PRSS23: variants seen among roughly 807,000 people sequenced by gnomAD.
The protein encoded by PRSS23 is protease, serine 23.
PRSS23 carries 25 observed loss-of-function variants against 34.7 expected under a neutral mutation model. The observed-to-expected ratio is 0.72, with a 90% confidence interval of 0.53 to 1.01. PRSS23 has a LOEUF of 1.01. Among genes scored for constraint, PRSS23 ranks in the 50% least tolerant of loss-of-function variants. The pLI is 0.00. For missense variants in PRSS23, 445 were observed against 475.6 expected (o/e 0.94, Z 0.60); for synonymous variants, 176 against 186.6 (o/e 0.94, Z 0.46).
Position 86,951,921 on chromosome 11 carries a change from T to C in PRSS23, c.*636T>C, listed in dbSNP as rs61754567. ...GCCTCTTCAAAATCACAGGATATCC[T>C]TTCCCGGCCTACAGTCAGCCTGACA... On this transcript the variant is annotated 3_prime_UTR_variant, in exon 3 of 3. Coordinates refer to the PRSS23 transcript ENST00000533902. 10 of 1,613,844 alleles carry C rather than the reference T, an allele frequency of 6.2e-6. No individual in the cohort carries two copies. The highest frequency in any genetic ancestry group is 7.6e-6 in the Non-Finnish European group (9 of 1,179,856).
intron 2 of PRSS23, among the ~76,000 whole-genome samples, chr11:86,842,010 G>A (rs1488277718): frequency 3.9e-5 from 6 of 152,152 alleles, no homozygotes; most frequent in Non-Finnish European, 5.9e-5. Context: ...TATTTCTAAC[G>A]AACATCAATG....
chr11:86,799,166 G>A (rs73520709), upstream of PRSS23, among the ~76,000 whole-genome samples: 3,019 of 152,256 alleles, frequency 0.02, 105 homozygotes, highest in African/African-American at 0.069. Context: ...GGATACTTGA[G>A]CCCAGGAGGT....
chr11:86,923,266 A>G (rs951622979), intron 2 of PRSS23, among the ~76,000 whole-genome samples: 1 of 151,894 alleles, frequency 6.6e-6, no homozygotes, highest in African/African-American at 2.4e-5. Flanking sequence ...TGGAACTACA[A>G]GCACACATTA....
chr11:86,818,718 G>C (rs1948232441), intron 1 of PRSS23, among the ~76,000 whole-genome samples: 1 of 152,122 alleles, frequency 6.6e-6, no homozygotes, highest in Non-Finnish European at 1.5e-5. Context: ...TCGGCAACTC[G>C]TGGTTTCTTT....
At chr11:86,811,672 T>A (rs2135605702), downstream of PRSS23, among the ~76,000 whole-genome samples, 1 of 152,196 alleles carries the variant, frequency 6.6e-6, no homozygotes, top group South Asian at 2.1e-4. Context: ...TGCTCCCAAT[T>A]CCCTGTTCTT....
chr11:86,844,945 T>C (rs1948475706), intron 2 of PRSS23, among the ~76,000 whole-genome samples: 1 of 152,112 alleles, frequency 6.6e-6, no homozygotes, highest in Non-Finnish European at 1.5e-5. Context: ...CAAAATTAGC[T>C]GGCCATAGTG....
At chr11:86,850,526 A>T (rs1948521260) in intron 2 of PRSS23, among the ~76,000 whole-genome samples, 1 of 152,194 alleles carries the variant, frequency 6.6e-6, no homozygotes, top group South Asian at 2.1e-4. Flanking sequence ...GATGAATAAT[A>T]TTGAAGATAT....
intron 2 of PRSS23, among the ~76,000 whole-genome samples, chr11:86,828,241 T>C (rs928069033): frequency 2.0e-5 from 3 of 152,244 alleles, no homozygotes; most frequent in African/African-American, 7.2e-5. Flanking sequence ...CCCTTTACTA[T>C]TACGTAATGG....
chr11:86,905,360 AG>A (rs1948935384), intron 2 of PRSS23, among the ~76,000 whole-genome samples: 1 of 152,212 alleles, frequency 6.6e-6, no homozygotes, highest in African/African-American at 2.4e-5. Context: ...AGCCCAGGAC[AG>A]TGATAAGGCA....
At chr11:86,827,629 T>G (rs1290119603) in intron 2 of PRSS23, among the ~76,000 whole-genome samples, 5 of 152,192 alleles carry the variant, frequency 3.3e-5, no homozygotes, top group African/African-American at 1.2e-4. Context: ...TTGTGGGCAT[T>G]TAGTGCTATA....
intron 2 of PRSS23, among the ~76,000 whole-genome samples, chr11:86,866,696 T>C (rs1445911417): frequency 1.3e-5 from 2 of 152,194 alleles, no homozygotes; most frequent in African/African-American, 2.4e-5. Context: ...TGGGGCCTAA[T>C]GAGAGGTATT....
intron 1 of PRSS23, among the ~76,000 whole-genome samples, chr11:86,807,050 G>T (rs968793965): frequency 6.6e-6 from 1 of 152,086 alleles, no homozygotes; most frequent in East Asian, 1.9e-4. Context: ...ACCCTTTCTC[G>T]AGTGCACCAT....
chr11:86,863,948 C>A (rs539690545), intron 2 of PRSS23, among the ~76,000 whole-genome samples: 1 of 152,322 alleles, frequency 6.6e-6, no homozygotes, highest in East Asian at 1.9e-4. Flanking sequence ...ACCGTGAAAT[C>A]TGAGATCACT....
intron 2 of PRSS23, among the ~76,000 whole-genome samples, chr11:86,879,887 C>T (rs1453414976): frequency 2.7e-5 from 4 of 146,692 alleles, no homozygotes; most frequent in African/African-American, 1.0e-4. Flanking sequence ...TCTGCCCGGC[C>T]GCCCCTACTG....
intron 2 of PRSS23, among the ~76,000 whole-genome samples, chr11:86,880,114 T>C (rs1280554363): frequency 6.6e-6 from 1 of 152,226 alleles, no homozygotes; most frequent in Non-Finnish European, 1.5e-5. Context: ...AAAATTCTTC[T>C]GCCTTGTGAT....
At chr11:86,901,103 G>A (rs932637302) in intron 2 of PRSS23, among the ~76,000 whole-genome samples, 2 of 151,858 alleles carry the variant, frequency 1.3e-5, no homozygotes, top group African/African-American at 4.9e-5. Flanking sequence ...CTTTCTTAAA[G>A]AGGTCTTCCC....
chr11:86,807,709 C>A lies in PRSS23; in HGVS notation c.66C>A (p.Ser22Arg). 5 of 1,614,074 alleles carry A rather than the reference C, an allele frequency of 3.1e-6. No individual in the cohort carries two copies. The highest frequency in any genetic ancestry group is 4.2e-6 in the Non-Finnish European group (5 of 1,179,954). The stretch of plus-strand genomic sequence containing the variant: ...TGCTCTGTGCTGTTGGGCAAGTGAG[C>A]CCTTACAGTGCCCCCTGGAAACCCA... Reference protein sequence around the residue: ...FFLLCAVGQVSPYSAPWKPTW... With the variant: ...FFLLCAVGQVRPYSAPWKPTW... The change falls in exon 2 of 2, where the codon AGC (serine) becomes AGA (arginine). Residue 22 changes from serine (S) to arginine (R), a missense_variant. By Grantham distance (110) the Ser-to-Arg change is moderately radical. Coordinates refer to ENST00000280258, the MANE Select transcript of PRSS23 (RefSeq NM_007173.6).
At chr11:86,890,968 G>C (rs1390382248) in intron 2 of PRSS23, among the ~76,000 whole-genome samples, 1 of 152,216 alleles carries the variant, frequency 6.6e-6, no homozygotes, top group Non-Finnish European at 1.5e-5. Context: ...GTAATTTATA[G>C]TTTGCCATCT....
At chr11:86,879,801 G>T (rs866105949) in intron 2 of PRSS23, among the ~76,000 whole-genome samples, 9 of 74,702 alleles carry the variant, frequency 1.2e-4, no homozygotes, top group Non-Finnish European at 1.9e-4. Context: ...CCGGCCAGCC[G>T]CCCCGTCCGG....
Sources: allele counts gnomAD v4.1 joint callset (sites outside exome capture counted in the v4.1 genomes callset), GRCh38; gene constraint gnomAD v4.1.1; transcripts MANE v1.5; gene names NCBI Gene and HGNC (gene_info 2026-07-23, HGNC 2026-07-21).